Variants in CNTNAP3B observed in about 807,000 individuals in gnomAD.
CNTNAP3B encodes contactin associated protein family member 3B, also known as contactin-associated protein-like 3B.
Under a neutral mutation model 108.9 loss-of-function variants are expected in CNTNAP3B, and 25 were observed. The ratio of observed to expected loss-of-function variants is 0.23; its 90% confidence interval spans 0.17 to 0.32. The LOEUF is 0.32. CNTNAP3B is among the 10% of genes least tolerant of loss of function. CNTNAP3B has a pLI of 1.00. For synonymous variants in CNTNAP3B, 103 were observed against 473.4 expected (o/e 0.22, Z 10.16); for missense variants, 252 against 1,210.4 (o/e 0.21, Z 11.75).
intron 13 of CNTNAP3B, among the ~76,000 whole-genome samples, chr9:41,947,732 A>T (rs1459439469): frequency 6.6e-6 from 1 of 152,134 alleles, no homozygotes; most frequent in Non-Finnish European, 1.5e-5. Context: ...GAAAATCAAG[A>T]AACGAAAATC....
chr9:42,107,605 A>G (rs1828107238), intron 1 of CNTNAP3B, among the ~76,000 whole-genome samples: 1 of 125,796 alleles, frequency 7.9e-6, no homozygotes, highest in Non-Finnish European at 1.6e-5. Context: ...TCAAGAGTCA[A>G]TAGCATCTGT....
chr9:41,961,213 T>C (rs986044554), intron 11 of CNTNAP3B, among the ~76,000 whole-genome samples: 1 of 152,306 alleles, frequency 6.6e-6, no homozygotes, highest in African/African-American at 2.4e-5. Flanking sequence ...TGTTCAAACA[T>C]GAAGATGTGC....
At position 42,124,223 on chromosome 9, in the gene CNTNAP3B, T is replaced by C. The variant is rs1267052176; in HGVS notation, c.85+4787A>G. Among the ~76,000 whole-genome samples the C allele has an allele frequency of 1.5e-5, 2 of 133,650 alleles. 1 individual carries two copies. 87.7% of individuals were successfully genotyped at this position (133,650 alleles called of 152,430 possible). Reference sequence around the variant, plus strand: ...TATTACAACAAAAATGTTCATTAACTGGAACACATGCAGTATCATTTTTTA... The same window carrying C: ...TATTACAACAAAAATGTTCATTAACCGGAACACATGCAGTATCATTTTTTA... On this transcript the variant is annotated intron_variant, in intron 1 of 23. Transcript: ENST00000377561.
intron 2 of CNTNAP3B, among the ~76,000 whole-genome samples, chr9:42,084,581 C>A (rs1827666422): frequency 2.6e-5 from 1 of 37,924 alleles, no homozygotes; most frequent in Non-Finnish European, 4.9e-5. Flanking sequence ...GCTCAGTCAA[C>A]CAAAATCCCC....
At chr9:41,950,761 T>C (rs1824652370) in intron 13 of CNTNAP3B, among the ~76,000 whole-genome samples, 1 of 135,556 alleles carries the variant, frequency 7.4e-6, no homozygotes, top group South Asian at 2.3e-4. Flanking sequence ...TTTTTTTTTT[T>C]TTTTTTTTTT....
Position 42,127,890 on chromosome 9 carries a change from G to A in CNTNAP3B, c.85+1120C>T, listed in dbSNP as rs1484317904. Among the ~76,000 whole-genome samples, 18 of 139,424 alleles carry A rather than the reference G, an allele frequency of 1.3e-4. 2 individuals carry two copies. Among genetic ancestry groups the A allele is most frequent in the Admixed American group, 1.2e-3 (17 of 14,062 alleles). 91.5% of individuals were successfully genotyped at this position (139,424 alleles called of 152,430 possible). ...CACTGAGCTACGGCAAACTTTTCAT[G>A]ACAGCTTAGGAAAACTGCTGAAAGC... On this transcript the variant is annotated intron_variant, in intron 1 of 23. Transcript: ENST00000377561.
chr9:42,029,375 G>A (rs1205303214), intron 3 of CNTNAP3B, among the ~76,000 whole-genome samples: 1 of 128,938 alleles, frequency 7.8e-6, no homozygotes, highest in Admixed American at 7.8e-5. Flanking sequence ...TCCACATTTT[G>A]AGGACCTTCT....
At position 42,117,135 on chromosome 9, in the gene CNTNAP3B, G is replaced by C; in HGVS notation, c.85+11875C>G. 1.5e-5 allele frequency among the ~76,000 whole-genome samples: 2 copies of C among 136,872 alleles called. 1 individual carries two copies. The highest frequency in any genetic ancestry group is 3.1e-5 in the Non-Finnish European group (2 of 64,506). The allele number at this position is 136,872 out of a possible 152,430, so 89.8% of individuals were successfully genotyped here. ...GATCAACAAGACAGAAAGTTAAAAA[G>C]GATATCCAGGAATTGAACTCAGCTC... On this transcript the variant is annotated intron_variant, in intron 1 of 23. Transcript: ENST00000377561.
intron 13 of CNTNAP3B, among the ~76,000 whole-genome samples, chr9:41,943,267 G>A (rs1389280263): frequency 7.8e-4 from 119 of 152,290 alleles, no homozygotes; most frequent in South Asian, 5.8e-3. Context: ...TTGAAGATAC[G>A]TCAATGAAAA....
At chr9:41,962,473 A>T (rs1405933603) in intron 11 of CNTNAP3B, among the ~76,000 whole-genome samples, 8 of 150,536 alleles carry the variant, frequency 5.3e-5, no homozygotes, top group African/African-American at 2.0e-4. Context: ...GCAATCAGAC[A>T]ATGCTGAGTG....
At chr9:41,934,725 C>G (rs1436893508) in intron 14 of CNTNAP3B, among the ~76,000 whole-genome samples, 2 of 152,394 alleles carry the variant, frequency 1.3e-5, no homozygotes, top group Middle Eastern at 3.4e-3. Flanking sequence ...TTCAACTTCA[C>G]CGAGTGCTTA....
intron 13 of CNTNAP3B, among the ~76,000 whole-genome samples, chr9:41,950,976 G>A (rs1230822889): frequency 7.3e-6 from 1 of 136,520 alleles, no homozygotes; most frequent in Admixed American, 7.5e-5. Context: ...AGGATGGTCT[G>A]ATTTCCTGAC....
At position 42,094,169 on chromosome 9, in the gene CNTNAP3B, T is replaced by G. The variant is rs1026166680; in HGVS notation, c.196+10460A>C. On this transcript the variant is annotated intron_variant, in intron 2 of 23. Coordinates refer to ENST00000377561, the MANE Select transcript of CNTNAP3B (RefSeq NM_001201380.3). ...AGCGTAAGAAAAGCATACAAACACC[T>G]AGTAAGCACACTGGCATATGATAAA... is the stretch of plus-strand genomic sequence containing the variant. Among the ~76,000 whole-genome samples the G allele has an allele frequency of 6.5e-5, 9 of 138,646 alleles. 1 individual carries two copies. Among genetic ancestry groups the G allele is most frequent in the Non-Finnish European group, 4.6e-5 (3 of 64,810 alleles). The allele number at this position is 138,646 out of a possible 152,430, so 91.0% of individuals were successfully genotyped here.
chr9:42,095,697 A>G (rs1433008938), intron 2 of CNTNAP3B, among the ~76,000 whole-genome samples: 2 of 139,324 alleles, frequency 1.4e-5, no homozygotes, highest in African/African-American at 2.9e-5. Flanking sequence ...GGAAGTAGTC[A>G]CAACAGGTGT....
At chr9:41,923,370 G>A (rs1253054016) in intron 16 of CNTNAP3B, among the ~76,000 whole-genome samples, 4 of 150,970 alleles carry the variant, frequency 2.6e-5, no homozygotes, top group Admixed American at 6.6e-5. Context: ...GATGAGTTTG[G>A]TTTAAAGCTC....
intron 13 of CNTNAP3B, among the ~76,000 whole-genome samples, chr9:41,944,391 T>C (rs1373191912): frequency 6.7e-6 from 1 of 149,368 alleles, no homozygotes; most frequent in Non-Finnish European, 1.5e-5. Flanking sequence ...ATGATAATAA[T>C]GTAATACAAA....
rs1179663756 is a variant in CNTNAP3B at position 42,087,154 on chromosome 9, C to T, written c.197-10092G>A. Among the ~76,000 whole-genome samples the T allele has an allele frequency of 3.5e-5, 5 of 141,318 alleles. 1 individual carries two copies. The highest frequency in any genetic ancestry group is 4.6e-5 in the Non-Finnish European group (3 of 65,290). The allele number at this position is 141,318 out of a possible 152,430, so 92.7% of individuals were successfully genotyped here. A position where few individuals can be genotyped will look rare whatever the true frequency, so the allele number is the denominator to read the frequency against. On this transcript the variant is annotated intron_variant, in intron 2 of 23. Coordinates refer to ENST00000377561, the MANE Select transcript of CNTNAP3B (RefSeq NM_001201380.3). The stretch of plus-strand genomic sequence containing the variant: ...AAAAGAATTGATTTTTGTATATTAA[C>T]CTTGTATCCTGTTAACTTGTTAAAA...
chr9:41,983,003 C>A (rs1307054057), intron 9 of CNTNAP3B, among the ~76,000 whole-genome samples: 1 of 123,022 alleles, frequency 8.1e-6, no homozygotes, highest in African/African-American at 3.5e-5. Flanking sequence ...TACCCATGGA[C>A]ACAAAGAAGG....
At chr9:41,930,734 C>T (rs1196064977) in intron 14 of CNTNAP3B, among the ~76,000 whole-genome samples, 2 of 152,408 alleles carry the variant, frequency 1.3e-5, no homozygotes, top group African/African-American at 4.8e-5. Flanking sequence ...ACGTCTGTGT[C>T]CAATACAAAG....
Sources: allele counts gnomAD v4.1 joint callset (sites outside exome capture counted in the v4.1 genomes callset), GRCh38; gene constraint gnomAD v4.1.1; transcripts MANE v1.5; gene names NCBI Gene and HGNC (gene_info 2026-07-23, HGNC 2026-07-21).